The following SORCS3 variants were observed in gnomAD, a reference collection of about 807,000 sequenced individuals.
SORCS3 encodes the protein VPS10 domain-containing receptor SorCS3.
A neutral mutation model predicts 146.3 loss-of-function variants in SORCS3; 57 were observed. The ratio of observed to expected loss-of-function variants is 0.39; its 90% CI spans 0.31 to 0.49. SORCS3 has a LOEUF of 0.49. Ranked by LOEUF, SORCS3 falls within the 20% of genes least tolerant of loss-of-function variation. The probability of loss-of-function intolerance (pLI) is 0.92; values close to 1 mark genes in which losing one functional copy is unlikely to be tolerated. For missense variants in SORCS3, 1,341 were observed against 1,575.5 expected, an observed-to-expected ratio of 0.85 and a Z score of 2.52; for synonymous variants, 653 against 618.5, an observed-to-expected ratio of 1.06 and a Z score of -0.83.
intron 16 of SORCS3, among the ~76,000 whole-genome samples, chr10:105,205,050 T>G (rs1299880438): frequency 1.3e-5 from 2 of 152,260 alleles, no homozygotes; most frequent in Non-Finnish European, 2.9e-5. Flanking sequence ...TTAGTACCAG[T>G]GATTATCATG....
At chr10:104,835,912 G>A (rs572837425) in intron 1 of SORCS3, among the ~76,000 whole-genome samples, 22 of 152,316 alleles carry the variant, frequency 1.4e-4, no homozygotes, top group South Asian at 8.3e-4. Context: ...CCCTGTGAGC[G>A]TGGCAGGGAA....
At chr10:104,793,696 G>GA (rs2017519031) in intron 1 of SORCS3, among the ~76,000 whole-genome samples, 1 of 152,206 alleles carries the variant, frequency 6.6e-6, no homozygotes, top group Admixed American at 6.5e-5. Flanking sequence ...GACACAGACA[G>GA]AGCAGCAAGT....
At chr10:105,222,998 T>A in intron 19 of SORCS3, 118 bp from the exon 20 acceptor site, 1 of 1,101,812 alleles carries the variant, frequency 9.1e-7, no homozygotes, top group Non-Finnish European at 1.3e-6. Flanking sequence ...TATGGTTTTG[T>A]GACCCTTCCT....
At chr10:105,153,327 T>G (rs1036247946) in intron 9 of SORCS3, among the ~76,000 whole-genome samples, 1 of 152,178 alleles carries the variant, frequency 6.6e-6, no homozygotes, top group Non-Finnish European at 1.5e-5. Context: ...TGTTGTGTGA[T>G]GTGACAGAGG....
intron 9 of SORCS3, among the ~76,000 whole-genome samples, chr10:105,155,175 G>T (rs1237897865): frequency 1.3e-5 from 2 of 152,168 alleles, no homozygotes; most frequent in Non-Finnish European, 2.9e-5. Context: ...GAAGTGCTCA[G>T]TCGGAAAACA....
At chr10:105,086,198 A>G (rs1399176089) in intron 5 of SORCS3, among the ~76,000 whole-genome samples, 1 of 152,160 alleles carries the variant, frequency 6.6e-6, no homozygotes, top group Non-Finnish European at 1.5e-5. Context: ...ATCACGTGAC[A>G]TTCCAGGGCT....
At chr10:104,828,433 T>G (rs906716903) in intron 1 of SORCS3, among the ~76,000 whole-genome samples, 2 of 152,118 alleles carry the variant, frequency 1.3e-5, no homozygotes, top group African/African-American at 4.8e-5. Context: ...GTCAATTAAG[T>G]TCACTGTTTT....
At chr10:105,128,152 G>C (rs924224308) in intron 7 of SORCS3, among the ~76,000 whole-genome samples, 19 of 152,174 alleles carry the variant, frequency 1.2e-4, no homozygotes, top group African/African-American at 4.1e-4. Context: ...ATATTACATG[G>C]TAAGCATAGA....
chr10:105,127,221 C>G (rs2055982320), intron 7 of SORCS3, among the ~76,000 whole-genome samples: 1 of 152,108 alleles, frequency 6.6e-6, no homozygotes, highest in African/African-American at 2.4e-5. Context: ...TGCAGGAAAG[C>G]AAGCTCTTTT....
rs567111799 is a variant in SORCS3, at chr10:105,221,475, A to G, written c.2735-1641A>G. On this transcript the variant is annotated intron_variant, in intron 19 of 26. Transcript: ENST00000369701. ...TTAAACAACCACATAACACATTCAT[A>G]TGTTCTTATTAATATAAGGAAGGCA... Among the ~76,000 whole-genome samples, 5 of 152,348 alleles carry G rather than the reference A, an allele frequency of 3.3e-5. 1 individual carries two copies. In the South Asian group the frequency reaches 1.0e-3, roughly 32 times the overall value.
intron 4 of SORCS3, among the ~76,000 whole-genome samples, chr10:105,027,276 G>A (rs922845067): frequency 6.6e-6 from 1 of 152,096 alleles, no homozygotes; most frequent in Non-Finnish European, 1.5e-5. Context: ...GTTTAAAAAC[G>A]ATGCCACTGG....
chr10:105,220,721 G>A (rs1037927290), intron 19 of SORCS3, among the ~76,000 whole-genome samples: 1 of 152,074 alleles, frequency 6.6e-6, no homozygotes, highest in Non-Finnish European at 1.5e-5. Context: ...CTAGCCAGGA[G>A]CCCCGCCCCA....
Position 105,245,622 on chromosome 10 carries a change from TG to T in SORCS3, c.2952del (p.Asn985MetfsTer52), listed in dbSNP as rs1248819004. The T allele has an allele frequency of 6.2e-7, 1 of 1,614,154 alleles. No homozygotes were observed. Among genetic ancestry groups the T allele is most frequent in the Non-Finnish European group, 8.5e-7 (1 of 1,180,018 alleles). On this transcript the variant is annotated frameshift_variant, in exon 21 of 27. Coordinates refer to ENST00000369701, the MANE Select transcript of SORCS3 (RefSeq NM_014978.3). LOFTEE classifies it high-confidence loss of function. ...TDTITVQVAA[G>X]NALIQDTKEI... is the part of the protein sequence containing the mutation. Reference sequence around the variant, plus strand: ...ACACCATCACAGTCCAGGTGGCTGCTGGGAATGCCCTCATCCAGGACACAAA... The same window carrying T: ...ACACCATCACAGTCCAGGTGGCTGCTGGAATGCCCTCATCCAGGACACAAA...
intron 3 of SORCS3, among the ~76,000 whole-genome samples, chr10:104,927,603 G>A (rs180901086): frequency 6.6e-6 from 1 of 152,326 alleles, no homozygotes; most frequent in East Asian, 1.9e-4. Flanking sequence ...AGCAAGCTGA[G>A]CACGGTGGCT....
chr10:104,849,193 C>A (rs562335699), intron 2 of SORCS3, among the ~76,000 whole-genome samples: 60 of 152,130 alleles, frequency 3.9e-4, no homozygotes, highest in Admixed American at 1.6e-3. Flanking sequence ...GGTGGATTAC[C>A]TGAGGTCAGG....
chr10:105,225,230 C>A (rs889947939), intron 20 of SORCS3, among the ~76,000 whole-genome samples: 11 of 151,938 alleles, frequency 7.2e-5, no homozygotes, highest in African/African-American at 2.4e-4. Flanking sequence ...ACATTTAGAT[C>A]TATGATCCAT....
intron 5 of SORCS3, among the ~76,000 whole-genome samples, chr10:105,057,531 A>G (rs1396219772): frequency 6.6e-6 from 1 of 151,950 alleles, no homozygotes; most frequent in Admixed American, 6.6e-5. Context: ...CCACCTGGTG[A>G]CCCATTGCTC....
In SORCS3 at chr10:104,979,565, TTG is replaced by T. The variant is rs60597563; in HGVS notation, c.954+2089_954+2090del. On this transcript the variant is annotated intron_variant, in intron 4 of 26. Coordinates refer to ENST00000369701, the MANE Select transcript of SORCS3 (RefSeq NM_014978.3). ...TGAATATGTGATTGTGAATTTGTGT[TTG>T]TGTGTGTGTGTGTGTGCATGCGATC... 7.3e-4 allele frequency among the ~76,000 whole-genome samples: 110 copies of T among 150,316 alleles called. 2 individuals carry two copies. The East Asian group carries it at 0.017, about 24-fold the overall frequency.
At chr10:104,949,406 A>G (rs2019405902) in intron 3 of SORCS3, among the ~76,000 whole-genome samples, 2 of 152,280 alleles carry the variant, frequency 1.3e-5, no homozygotes, top group Non-Finnish European at 2.9e-5. Context: ...GATGAACTGA[A>G]TTATTTTTTC....
Sources: allele counts gnomAD v4.1 joint callset (sites outside exome capture counted in the v4.1 genomes callset), GRCh38; gene constraint gnomAD v4.1.1; transcripts MANE v1.5; gene names NCBI Gene and HGNC (gene_info 2026-07-23, HGNC 2026-07-21).